Variants in HIVEP3 observed in about 807,000 individuals in gnomAD.
HIVEP3 encodes the protein transcription factor HIVEP3.
In HIVEP3, 49 loss-of-function variants were observed where a neutral mutation model predicts 152.8. The ratio of observed to expected loss-of-function variants is 0.32; its 90% CI spans 0.26 to 0.41. The LOEUF is 0.41. Ranked by LOEUF, HIVEP3 falls within the 10% of genes least tolerant of loss-of-function variation. The pLI is 1.00. For missense variants in HIVEP3, 2,790 were observed against 3,103.3 expected, an observed-to-expected ratio of 0.90 and a Z score of 2.40; for synonymous variants, 1,269 against 1,289.0, an observed-to-expected ratio of 0.98 and a Z score of 0.33.
In HIVEP3 at chr1:41,758,870, C is replaced by A. The variant is rs80135991; in HGVS notation, c.-800-57875G>T. The stretch of plus-strand genomic sequence containing the variant: ...CTCCCTTTTAGGAGAATGGGGGGTA[C>A]TGGCCCCACTGCTCCCCCATAGTGT... On this transcript the variant is annotated intron_variant, in intron 1 of 8. Transcript: ENST00000372583. 1.1e-3 allele frequency among the ~76,000 whole-genome samples: 167 copies of A among 152,334 alleles called. 2 individuals are homozygous for A. Among genetic ancestry groups the A allele is most frequent in the Admixed American group, 8.8e-3 (134 of 15,306 alleles).
intron 1 of HIVEP3, among the ~76,000 whole-genome samples, chr1:41,723,294 G>A (rs1300321294): frequency 6.6e-6 from 1 of 152,004 alleles, no homozygotes; most frequent in Non-Finnish European, 1.5e-5. Flanking sequence ...CCCTGAGTTT[G>A]GGTCATCTCA....
At position 41,510,704 on chromosome 1, in the gene HIVEP3, C is replaced by G; in HGVS notation, c.6968G>C (p.Arg2323Pro). ...DTLPRPPQGR[R>P]AAQSWSPRLE... Reference sequence around the variant, plus strand: ...GCGGGGGCTCCAGGACTGCGCTGCCCGGCGTCCCTGGGGCGGCCGGGGCAA... The same window carrying G: ...GCGGGGGCTCCAGGACTGCGCTGCCGGGCGTCCCTGGGGCGGCCGGGGCAA... The change falls in exon 9 of 9, where the codon CGG becomes CCG. Residue 2323 changes from arginine (R) to proline (P), a missense_variant. Arg to Pro is a moderately radical substitution (Grantham distance 103, BLOSUM62 -2). Transcript: ENST00000372583. The G allele has an allele frequency of 1.3e-6, 2 of 1,526,558 alleles. No individual in the cohort carries two copies. The highest frequency in any genetic ancestry group is 8.8e-7 in the Non-Finnish European group (1 of 1,136,640). 94.6% of individuals were successfully genotyped at this position (1,526,558 alleles called of 1,614,324 possible).
At chr1:41,631,397 C>T (rs773615256) in intron 2 of HIVEP3, among the ~76,000 whole-genome samples, 5 of 152,186 alleles carry the variant, frequency 3.3e-5, no homozygotes, top group South Asian at 2.1e-4. Context: ...ATGCCTGGCA[C>T]GGCCCACGTA....
chr1:41,802,656 G>A (rs1650374330), intron 1 of HIVEP3, among the ~76,000 whole-genome samples: 1 of 152,152 alleles, frequency 6.6e-6, no homozygotes, highest in African/African-American at 2.4e-5. Flanking sequence ...TCGACTTACT[G>A]TTTCTGAGCC....
intron 1 of HIVEP3, among the ~76,000 whole-genome samples, chr1:41,754,349 G>A (rs112041734): frequency 4.4e-4 from 67 of 152,176 alleles, no homozygotes; most frequent in Admixed American, 1.3e-3. Context: ...TGAGACAAGA[G>A]CACAGGAGAC....
At chr1:41,665,126 T>G (rs1217888228) in intron 2 of HIVEP3, among the ~76,000 whole-genome samples, 6 of 152,126 alleles carry the variant, frequency 3.9e-5, no homozygotes, top group Non-Finnish European at 8.8e-5. Flanking sequence ...CTGGTGCCAA[T>G]TCTCACTGGA....
intron 4 of HIVEP3, among the ~76,000 whole-genome samples, chr1:41,576,821 G>A (rs188367875): frequency 3.9e-5 from 6 of 152,308 alleles, no homozygotes; most frequent in Non-Finnish European, 8.8e-5. Context: ...AGTCTGAGGG[G>A]ATTTAGACCA....
At chr1:41,844,207 C>A (rs1643371033) in intron 1 of HIVEP3, among the ~76,000 whole-genome samples, 1 of 152,178 alleles carries the variant, frequency 6.6e-6, no homozygotes, top group South Asian at 2.1e-4. Context: ...AGAATCAGTT[C>A]AGCCAAGGGG....
intron 1 of HIVEP3, among the ~76,000 whole-genome samples, chr1:41,778,180 G>A (rs528202958): frequency 6.6e-6 from 1 of 152,212 alleles, no homozygotes; most frequent in Non-Finnish European, 1.5e-5. Context: ...GAGGGGACAA[G>A]CAGAGGGGGT....
chr1:41,952,542 T>C (rs1645114439), intron 1 of HIVEP3, among the ~76,000 whole-genome samples: 1 of 152,194 alleles, frequency 6.6e-6, no homozygotes, highest in Non-Finnish European at 1.5e-5. Context: ...CCAAAGCCCT[T>C]GACTTTCACC....
At chr1:41,875,182 C>G (rs2124418894) in intron 1 of HIVEP3, among the ~76,000 whole-genome samples, 1 of 152,330 alleles carries the variant, frequency 6.6e-6, no homozygotes, top group East Asian at 1.9e-4. Flanking sequence ...GCTCCAGCAC[C>G]ATCCCCTGTC....
intron 1 of HIVEP3, among the ~76,000 whole-genome samples, chr1:41,718,093 C>G (rs1336703529): frequency 3.3e-5 from 5 of 152,232 alleles, no homozygotes; most frequent in Non-Finnish European, 7.3e-5. Context: ...TCGGAATCCC[C>G]CAAGCACGGC....
intron 1 of HIVEP3, among the ~76,000 whole-genome samples, chr1:41,801,221 AT>A (rs1354286350): frequency 6.6e-6 from 1 of 152,136 alleles, no homozygotes; most frequent in African/African-American, 2.4e-5. Flanking sequence ...AAGTGAAGAT[AT>A]TATTAAGGTT....
chr1:41,809,522 T>C (rs1278011761), intron 1 of HIVEP3, among the ~76,000 whole-genome samples: 2 of 152,258 alleles, frequency 1.3e-5, no homozygotes, highest in Non-Finnish European at 1.5e-5. Context: ...CTTAGATATA[T>C]GGTGACCATA....
intron 1 of HIVEP3, among the ~76,000 whole-genome samples, chr1:41,835,033 T>C (rs776231772): frequency 1.3e-5 from 2 of 152,138 alleles, no homozygotes; most frequent in African/African-American, 2.4e-5. Context: ...CACGAAGCCA[T>C]TGCAGGGTTC....
In HIVEP3 at chr1:41,942,930, C is replaced by T. The variant is rs528520804; in HGVS notation, n.120-24406G>A. Among the ~76,000 whole-genome samples, 6 of 151,238 alleles carry T rather than the reference C, an allele frequency of 4.0e-5. No individual in the cohort carries two copies. The South Asian group carries it at 1.0e-3, about 26-fold the overall frequency. On this transcript the variant is annotated intron_variant and non_coding_transcript_variant, in intron 1 of 3. Transcript: ENST00000489103. Reference sequence around the variant, plus strand: ...TTTTTCTTTTTTTGAGACGGAGTTTCGCTCTGTCGCCCAGGCTGGAGTGCA... The same window carrying T: ...TTTTTCTTTTTTTGAGACGGAGTTTTGCTCTGTCGCCCAGGCTGGAGTGCA...
intron 1 of HIVEP3, among the ~76,000 whole-genome samples, chr1:41,837,296 T>C (rs1643152403): frequency 6.6e-6 from 1 of 152,214 alleles, no homozygotes; most frequent in Non-Finnish European, 1.5e-5. Flanking sequence ...TCAGTCACCC[T>C]GTCCTACTTT....
At chr1:41,544,853 C>T (rs200024955) in intron 5 of HIVEP3, among the ~76,000 whole-genome samples, 1,705 of 71,326 alleles carry the variant, frequency 0.024, 10 homozygotes, top group East Asian at 0.1. Flanking sequence ...CTACCACCAC[C>T]ACCACCACCA....
chr1:41,680,992 G>C (rs368755557), intron 2 of HIVEP3, among the ~76,000 whole-genome samples: 9 of 152,234 alleles, frequency 5.9e-5, no homozygotes, highest in African/African-American at 1.9e-4. Context: ...ATCCCTGGAG[G>C]GGGTATTAAT....
Sources: allele counts gnomAD v4.1 joint callset (sites outside exome capture counted in the v4.1 genomes callset), GRCh38; gene constraint gnomAD v4.1.1; transcripts MANE v1.5; gene names NCBI Gene and HGNC (gene_info 2026-07-23, HGNC 2026-07-21).